Variants in NEDD1 observed in about 807,000 individuals in gnomAD.
The protein encoded by NEDD1 is protein NEDD1.
NEDD1 carries 33 observed loss-of-function variants against 74.0 expected under a neutral mutation model. The observed-to-expected ratio is 0.45, with a 90% confidence interval of 0.34 to 0.60. The LOEUF (loss-of-function observed/expected upper bound fraction) is 0.60. Ranked by LOEUF, NEDD1 falls within the 20% of genes least tolerant of loss-of-function variation. The pLI is 0.01. For synonymous variants in NEDD1, 250 were observed against 264.4 expected (o/e 0.95, Z 0.53); for missense variants, 746 against 776.5 (o/e 0.96, Z 0.47).
At chr12:96,932,960 T>C (rs555332247) in intron 6 of NEDD1, among the ~76,000 whole-genome samples, 1 of 152,110 alleles carries the variant, frequency 6.6e-6, no homozygotes, top group African/African-American at 2.4e-5. Context: ...CCACTGAACT[T>C]AGGTTTATCT....
chr12:96,949,926 G>A (rs1163308161), intron 14 of NEDD1, among the ~76,000 whole-genome samples: 1 of 151,952 alleles, frequency 6.6e-6, no homozygotes, highest in Admixed American at 6.6e-5. Context: ...CTTCATGGTA[G>A]GAAATCATTA....
chr12:96,917,882 C>G (rs1211459532), intron 5 of NEDD1, 145 bp downstream of exon 5: 1 of 985,662 alleles, frequency 1.0e-6, no homozygotes, highest in Non-Finnish European at 1.4e-6. Flanking sequence ...AATAAAGGTG[C>G]TATTTAGCCA....
Position 96,917,631 on chromosome 12 carries a change from C to G in NEDD1, c.242C>G (p.Thr81Arg), listed in dbSNP as rs749779111. 5 of 1,485,862 alleles carry G rather than the reference C, an allele frequency of 3.4e-6. No individual in the cohort carries two copies. The East Asian group carries it at 1.3e-4, about 38-fold the overall frequency. The allele number at this position is 1,485,862 out of a possible 1,614,324, so 92.0% of individuals were successfully genotyped here. A position where few individuals can be genotyped will look rare whatever the true frequency, so the allele number is the denominator to read the frequency against. The change falls in exon 5 of 16, where the codon ACA becomes AGA. Residue 81 changes from threonine (T) to arginine (R), a missense_variant. Thr to Arg is a moderately conservative substitution (Grantham distance 71, BLOSUM62 -1). Around this residue, in one of 3 missense-constraint regions of NEDD1, gnomAD observed 706 missense variants for 706.7 expected, o/e 1.00. Coordinates refer to ENST00000266742, the MANE Select transcript of NEDD1 (RefSeq NM_152905.4). ...TTTTTTTTTAAATAGCAAAAGCAGA[C>G]ATGTGTCAATTTAAATTCTACATCT... The part of the protein sequence containing the change: ...LLELAEGQKQ[T>R]CVNLNSTSMY...
Position 96,936,650 on chromosome 12 carries a change from G to A in NEDD1, c.759G>A (p.Ala253=), listed in dbSNP as rs778481332. The change falls in exon 8 of 16, where the codon GCG becomes GCA. Residue 253 remains alanine, a synonymous_variant. Transcript: ENST00000266742. ...TAGTGGCTGACACTCCTCTAACTGC[G>A]GTAGATTTCATGCCTGATGGAGCCA... ...KTLVADTPLT[A]VDFMPDGATL... 1.4e-5 allele frequency: 23 copies of A among 1,613,606 alleles called. No homozygotes were observed. Among genetic ancestry groups the A allele is most frequent in the East Asian group, 2.2e-5 (1 of 44,874 alleles).
At chr12:96,928,589 A>AT (rs35530798) in intron 6 of NEDD1, among the ~76,000 whole-genome samples, 15 of 141,660 alleles carry the variant, frequency 1.1e-4, no homozygotes, top group Non-Finnish European at 1.5e-4. Flanking sequence ...ATTCAAAGGA[A>AT]TTTTTTTTTT....
chr12:96,940,560 G>A (rs760029047), intron 10 of NEDD1, 23 bp downstream of exon 10: 7 of 1,548,222 alleles, frequency 4.5e-6, no homozygotes, highest in Non-Finnish European at 6.2e-6. Flanking sequence ...AGAGGATCCT[G>A]TTCTCTTGCT....
rs1157068792 is a variant in NEDD1, at chr12:96,943,545, T to A, written c.1295-15T>A. The A allele has an allele frequency of 1.2e-6, 2 of 1,603,250 alleles. No individual in the cohort carries two copies. The highest frequency in any genetic ancestry group is 3.4e-5 in the Admixed American group (2 of 59,578). On this transcript the variant is annotated splice_polypyrimidine_tract_variant and intron_variant, in intron 11 of 15. Transcript: ENST00000266742. ...GGAGGACACCATATGCACATGCAGT[T>A]TTTCCCTTTTCCAGGCTTTGACTTT...
In NEDD1 at chr12:96,942,705, C is replaced by T; in HGVS notation, c.1294+81C>T. On this transcript the variant is annotated intron_variant, in intron 11 of 15. Transcript: ENST00000266742. Reference sequence around the variant, plus strand: ...TGCTGTGTAACAAATCTCTCCAACACTTTGAGGCTTAAAAAAATAAACATT... The same window carrying T: ...TGCTGTGTAACAAATCTCTCCAACATTTTGAGGCTTAAAAAAATAAACATT... 4 of 737,284 alleles carry T rather than the reference C, an allele frequency of 5.4e-6. No homozygotes were observed. The South Asian group carries it at 6.3e-5, about 12-fold the overall frequency. 45.7% of individuals were successfully genotyped at this position (737,284 alleles called of 1,614,324 possible). A position where few individuals can be genotyped will look rare whatever the true frequency, so the allele number is the denominator to read the frequency against.
Position 96,945,834 on chromosome 12 carries a change from C to T in NEDD1, c.1796C>T (p.Thr599Met), listed in dbSNP as rs762167068. ...TTTATTCAGAACATGATACAGGAAA[C>T]GTTGGATGACTTTAGGTAGTAATTG... ...IRFIQNMIQE[T>M]LDDFREACHR... Residue 599 changes from threonine (T) to methionine (M), a missense_variant, in exon 14 of 16, where the codon ACG becomes ATG. Around this residue, in one of 3 missense-constraint regions of NEDD1, gnomAD observed 706 missense variants for 706.7 expected, o/e 1.00. Transcript: ENST00000266742. 4.4e-6 allele frequency: 7 copies of T among 1,609,098 alleles called. No homozygotes were observed. Among genetic ancestry groups the T allele is most frequent in the East Asian group, 2.2e-5 (1 of 44,826 alleles).
chr12:96,935,062 A>G lies in NEDD1; in HGVS notation c.576A>G (p.Val192=). 1.2e-6 allele frequency: 2 copies of G among 1,610,720 alleles called. No individual in the cohort carries two copies. Among genetic ancestry groups the G allele is most frequent in the Non-Finnish European group, 1.7e-6 (2 of 1,176,886 alleles). The change falls in exon 7 of 16, where the codon GTA becomes GTG. Residue 192 remains valine, a synonymous_variant. Transcript: ENST00000266742. ...ATGGAATAGTAACTCTCTGGGATGT[A>G]AATAGTCAGAGTCCATACCATAACT... is the stretch of plus-strand genomic sequence containing the variant. The part of the protein sequence containing the change: ...SDNGIVTLWD[V]NSQSPYHNFD...
intron 6 of NEDD1, among the ~76,000 whole-genome samples, chr12:96,932,463 A>AATATATATATAT (rs1555203253): frequency 5.3e-4 from 5 of 9,432 alleles, no homozygotes; most frequent in Admixed American, 2.4e-3. Context: ...AAAAAAAAAA[A>AATATATATATAT]ATATATATAT....
rs1874610331 is a variant in NEDD1 at position 96,917,648 on chromosome 12, T to C, written c.259T>C (p.Ser87Pro). The C allele has an allele frequency of 6.5e-7, 1 of 1,540,792 alleles. No individual in the cohort carries two copies. Among genetic ancestry groups the C allele is most frequent in the African/African-American group, 1.4e-5 (1 of 70,178 alleles). The change falls in exon 5 of 16, where the codon TCT becomes CCT. Residue 87 changes from serine to proline, a missense_variant. Ser to Pro is a moderately conservative substitution (Grantham distance 74). Coordinates refer to ENST00000266742, the MANE Select transcript of NEDD1 (RefSeq NM_152905.4). Reference sequence around the variant, plus strand: ...AAAGCAGACATGTGTCAATTTAAATTCTACATCTATGTATTTGGTAAGCGG... The same window carrying C: ...AAAGCAGACATGTGTCAATTTAAATCCTACATCTATGTATTTGGTAAGCGG... ...GQKQTCVNLNSTSMYLVSGGL... is the reference protein window; with the variant it reads ...GQKQTCVNLNPTSMYLVSGGL...
chr12:96,921,022 G>A (rs1195330137), intron 6 of NEDD1, among the ~76,000 whole-genome samples: 1 of 152,176 alleles, frequency 6.6e-6, no homozygotes, highest in East Asian at 1.9e-4. Flanking sequence ...CAGAACAGCT[G>A]AGAGAAGACT....
At chr12:96,944,928 C>G in intron 13 of NEDD1, 133 bp downstream of exon 13, 1 of 587,874 alleles carries the variant, frequency 1.7e-6, no homozygotes, top group Admixed American at 3.5e-5. Context: ...GTGGACACTT[C>G]TGTTGTGTGA....
In NEDD1 at chr12:96,944,934, TGTGA is replaced by T. The variant is rs567269068; in HGVS notation, c.1654+143_1654+146del. On this transcript the variant is annotated intron_variant, in intron 13 of 15. Transcript: ENST00000266742. Reference sequence around the variant, plus strand: ...TTAAAGTTTGTGGACACTTCTGTTGTGTGAGTGTTACTAAAGACAATGAAATGGA... The same window carrying T: ...TTAAAGTTTGTGGACACTTCTGTTGTGTGTTACTAAAGACAATGAAATGGA... 2.0e-4 allele frequency: 112 copies of T among 567,220 alleles called. 2 individuals are homozygous for T. The South Asian group carries it at 3.1e-3, about 16-fold the overall frequency. The allele number at this position is 567,220 out of a possible 1,614,324, so 35.1% of individuals were successfully genotyped here.
chr12:96,937,249 A>C lies in NEDD1; in HGVS notation c.973A>C (p.Ser325Arg). 2 of 1,612,134 alleles carry C rather than the reference A, an allele frequency of 1.2e-6. No homozygotes were observed. Among genetic ancestry groups the C allele is most frequent in the Non-Finnish European group, 1.7e-6 (2 of 1,178,936 alleles). The stretch of plus-strand genomic sequence containing the variant: ...TAAGCCCACAACAGTGAACAAACGA[A>C]GTGTTAATGTGAATGCTGCTAGTGG... ...SNKPTTVNKR[S>R]VNVNAASGGV... The change falls in exon 9 of 16, where the codon AGT (serine) becomes CGT (arginine). Residue 325 changes from serine (S) to arginine (R), a missense_variant. Physicochemically the swap from Ser to Arg is moderately radical, Grantham distance 110. Coordinates refer to ENST00000266742, the MANE Select transcript of NEDD1 (RefSeq NM_152905.4).
At chr12:96,922,148 T>G (rs1875169547) in intron 6 of NEDD1, among the ~76,000 whole-genome samples, 1 of 152,210 alleles carries the variant, frequency 6.6e-6, no homozygotes, top group Non-Finnish European at 1.5e-5. Context: ...CCTTGAACAT[T>G]AAAAATAGCC....
At chr12:96,947,332 C>T (rs1878294301) in intron 14 of NEDD1, among the ~76,000 whole-genome samples, 1 of 152,088 alleles carries the variant, frequency 6.6e-6, no homozygotes, top group South Asian at 2.1e-4. Context: ...AGCAGTTCTT[C>T]TGTGGGGGCA....
intron 14 of NEDD1, among the ~76,000 whole-genome samples, chr12:96,951,012 T>C (rs189864495): frequency 3.9e-5 from 6 of 151,978 alleles, no homozygotes; most frequent in Non-Finnish European, 8.9e-5. Context: ...ACCTAGTGAA[T>C]TTTCTGTATT....
Sources: gnomAD v4.1 joint callset for allele counts (sites outside exome capture counted in the v4.1 genomes callset) on GRCh38, gnomAD v4.1.1 for gene constraint, gnomAD v4.1.1 regional missense constraint, MANE v1.5 for transcripts, NCBI Gene and HGNC (gene_info 2026-07-23, HGNC 2026-07-21) for gene names.